Variants in KSR1 observed in about 807,000 individuals in gnomAD.
The protein encoded by KSR1 is kinase suppressor of ras 1, also known as kinase suppressor of ras.
In KSR1, 35 loss-of-function variants were observed where a neutral mutation model predicts 92.9. The observed-to-expected ratio is 0.38, with a 90% CI of 0.29 to 0.50. The LOEUF (loss-of-function observed/expected upper bound fraction) is 0.50, where lower values mean the gene tolerates loss of function less well. KSR1 is among the 20% of genes least tolerant of loss of function. KSR1 has a pLI of 0.94. For missense variants in KSR1, 972 were observed against 1,158.5 expected (o/e 0.84, Z 2.34); for synonymous variants, 467 against 472.6 (o/e 0.99, Z 0.15).
At chr17:27,462,377 A>G (rs565492521) in intron 1 of KSR1, among the ~76,000 whole-genome samples, 135 of 152,262 alleles carry the variant, frequency 8.9e-4, no homozygotes, top group African/African-American at 3.0e-3. Context: ...GAAATGGCCA[A>G]TAATAAAAAG....
chr17:27,513,164 G>A (rs1361805586), intron 1 of KSR1, among the ~76,000 whole-genome samples: 1 of 152,108 alleles, frequency 6.6e-6, no homozygotes, highest in African/African-American at 2.4e-5. Flanking sequence ...TGAAATCTGT[G>A]CATTTTCGTT....
At chr17:27,556,799 C>A (rs918266214) in intron 2 of KSR1, among the ~76,000 whole-genome samples, 14 of 152,236 alleles carry the variant, frequency 9.2e-5, no homozygotes, top group Admixed American at 9.2e-4. Flanking sequence ...CCTCAGGAAT[C>A]CCTCTAGGGT....
At chr17:27,581,723 C>T (rs1051634091) in intron 3 of KSR1, among the ~76,000 whole-genome samples, 1 of 152,128 alleles carries the variant, frequency 6.6e-6, no homozygotes, top group African/African-American at 2.4e-5. Context: ...GCCTGTCATG[C>T]CCATTCGACT....
chr17:27,525,304 A>C (rs2151028538), intron 1 of KSR1, among the ~76,000 whole-genome samples: 1 of 152,338 alleles, frequency 6.6e-6, no homozygotes, highest in Non-Finnish European at 1.5e-5. Flanking sequence ...TATTGCCAGG[A>C]ATATGCCTTT....
Position 27,603,903 on chromosome 17 carries a change from G to A in KSR1, c.1565+15G>A. On this transcript the variant is annotated intron_variant, in intron 12 of 20. Transcript: ENST00000644974. Reference sequence around the variant, plus strand: ...GACGGTACCCGGTAGGCATCCCTAGGTGGTGTCCCCTTCGCTTCTTTGGGG... The same window carrying A: ...GACGGTACCCGGTAGGCATCCCTAGATGGTGTCCCCTTCGCTTCTTTGGGG... 6.2e-7 allele frequency: 1 copy of A among 1,613,550 alleles called. No individual in the cohort carries two copies. The highest frequency in any genetic ancestry group is 8.5e-7 in the Non-Finnish European group (1 of 1,179,566).
chr17:27,504,030 C>G (rs2069287568), intron 1 of KSR1, among the ~76,000 whole-genome samples: 1 of 152,218 alleles, frequency 6.6e-6, no homozygotes, highest in African/African-American at 2.4e-5. Context: ...TATCTGGATA[C>G]TGTGGATAAA....
At chr17:27,545,707 GA>G (rs2071147985) in intron 1 of KSR1, among the ~76,000 whole-genome samples, 1 of 152,336 alleles carries the variant, frequency 6.6e-6, no homozygotes, top group Admixed American at 6.5e-5. Context: ...AGGGCTTGAG[GA>G]AGGCTTCCTG....
intron 1 of KSR1, among the ~76,000 whole-genome samples, chr17:27,489,736 C>T (rs901736037): frequency 6.7e-6 from 1 of 149,118 alleles, no homozygotes; most frequent in Non-Finnish European, 1.5e-5. Flanking sequence ...ATCCTCACTG[C>T]CTCCTCATTC....
At chr17:27,553,209 G>A (rs1220291966) in intron 2 of KSR1, among the ~76,000 whole-genome samples, 4 of 152,176 alleles carry the variant, frequency 2.6e-5, no homozygotes, top group Non-Finnish European at 5.9e-5. Flanking sequence ...AGTCAAGTGC[G>A]GGGGTGGAGG....
chr17:27,531,694 TGAG>T (rs1364925751), intron 1 of KSR1, among the ~76,000 whole-genome samples: 1 of 152,202 alleles, frequency 6.6e-6, no homozygotes, highest in African/African-American at 2.4e-5. Context: ...AGCAGCGCCC[TGAG>T]GAGCTGCAGT....
intron 16 of KSR1, chr17:27,609,755 G>A (rs899479249): frequency 5.6e-6 from 2 of 360,332 alleles, no homozygotes; most frequent in African/African-American, 2.1e-5. Flanking sequence ...TCCACAGGCA[G>A]ATCAGGGTTC....
intron 20 of KSR1, chr17:27,622,167 C>CTA (rs1418084495): frequency 3.5e-6 from 2 of 577,970 alleles, no homozygotes; most frequent in Non-Finnish European, 3.1e-6. Flanking sequence ...GAGGATCCCA[C>CTA]TAACTGAGCT....
chr17:27,609,434 C>T (rs879338769), intron 16 of KSR1, 105 bp downstream of exon 16: 119 of 1,461,154 alleles, frequency 8.1e-5, no homozygotes, highest in Non-Finnish European at 1.1e-4. Flanking sequence ...GCAGCCCTCC[C>T]TGCAGGGAAG....
At chr17:27,617,932 GGAGACTCCCTTT>G (rs1392540972) in intron 19 of KSR1, among the ~76,000 whole-genome samples, 1 of 152,108 alleles carries the variant, frequency 6.6e-6, no homozygotes, top group Non-Finnish European at 1.5e-5. Flanking sequence ...CATTTATTTT[GGAGACTCCCTTT>G]GACAGGTGAG....
chr17:27,599,324 G>A (rs1246331827), intron 10 of KSR1, among the ~76,000 whole-genome samples: 9 of 152,206 alleles, frequency 5.9e-5, no homozygotes, highest in East Asian at 1.9e-4. Flanking sequence ...TTGGGAGGCC[G>A]AGGTAGGCGG....
rs1022251175 is a variant in KSR1 at position 27,625,341 on chromosome 17, G to A, written c.*1949G>A. ...GCATGCACAGGCCCACAGAAAGTCAGTCTGGGTTTTGCTTTTCTCGTGAGC... is the reference window on the plus strand; with the variant it reads ...GCATGCACAGGCCCACAGAAAGTCAATCTGGGTTTTGCTTTTCTCGTGAGC... On this transcript the variant is annotated 3_prime_UTR_variant, in exon 21 of 21. Transcript: ENST00000644974. 1 of 152,300 alleles carries A rather than the reference G, an allele frequency of 6.6e-6. No individual in the cohort carries two copies. Among genetic ancestry groups the A allele is most frequent in the African/African-American group, 2.4e-5 (1 of 41,480 alleles). The allele number at this position is 152,300 out of a possible 1,614,324, so 9.4% of individuals were successfully genotyped here.
intron 1 of KSR1, among the ~76,000 whole-genome samples, chr17:27,537,813 A>G (rs914392742): frequency 1.7e-4 from 26 of 152,240 alleles, no homozygotes; most frequent in Non-Finnish European, 3.2e-4. Flanking sequence ...AAAAGAATAT[A>G]TCCAGTTGTG....
At chr17:27,468,583 C>T (rs2019822356) in intron 1 of KSR1, among the ~76,000 whole-genome samples, 2 of 152,182 alleles carry the variant, frequency 1.3e-5, no homozygotes, top group Non-Finnish European at 2.9e-5. Flanking sequence ...GCGATGGTGG[C>T]CCTGGGCAGT....
intron 1 of KSR1, among the ~76,000 whole-genome samples, chr17:27,469,451 T>C (rs915090269): frequency 6.6e-6 from 1 of 152,102 alleles, no homozygotes; most frequent in Non-Finnish European, 1.5e-5. Context: ...TGGTAGGACA[T>C]TGAGGCGTGC....
Sources: allele counts gnomAD v4.1 joint callset (sites outside exome capture counted in the v4.1 genomes callset), GRCh38; gene constraint gnomAD v4.1.1; transcripts MANE v1.5; gene names NCBI Gene and HGNC (gene_info 2026-07-23, HGNC 2026-07-21).